Variants in ADAMTSL1 observed in about 807,000 individuals in gnomAD.
The protein encoded by ADAMTSL1 is ADAMTS like 1, also known as ADAMTS-like protein 1.
A neutral mutation model predicts 201.8 loss-of-function variants in ADAMTSL1; 126 were observed. That is an observed-to-expected ratio of 0.62 (90% CI 0.54 to 0.72). The LOEUF (loss-of-function observed/expected upper bound fraction) is 0.72, where lower values mean the gene tolerates loss of function less well. Ranked by LOEUF, ADAMTSL1 falls within the 30% of genes least tolerant of loss-of-function variation. ADAMTSL1 has a pLI of 0.00. For missense variants in ADAMTSL1, 2,679 were observed against 2,277.8 expected (o/e 1.18, Z -3.59); for synonymous variants, 1,121 against 903.4 (o/e 1.24, Z -4.32).
At chr9:18,042,562 C>A (rs1821473671) in intron 1 of ADAMTSL1, among the ~76,000 whole-genome samples, 1 of 152,136 alleles carries the variant, frequency 6.6e-6, no homozygotes, top group Non-Finnish European at 1.5e-5. Flanking sequence ...ACAAAGCTCA[C>A]TTCTTCATTG....
intron 2 of ADAMTSL1, among the ~76,000 whole-genome samples, chr9:18,447,489 A>G (rs1259475513): frequency 1.3e-5 from 2 of 152,182 alleles, no homozygotes; most frequent in Non-Finnish European, 2.9e-5. Flanking sequence ...GGGAGACTTC[A>G]CAAATACCTC....
chr9:18,754,850 G>A (rs1819658208), intron 16 of ADAMTSL1, among the ~76,000 whole-genome samples: 1 of 152,210 alleles, frequency 6.6e-6, no homozygotes. Flanking sequence ...TACTATGGAT[G>A]GTTTGTGGAA....
At chr9:18,817,344 G>C (rs1823928095) in intron 21 of ADAMTSL1, 107 bp downstream of exon 21, 3 of 1,163,850 alleles carry the variant, frequency 2.6e-6, no homozygotes, top group Admixed American at 2.9e-5. Flanking sequence ...TATAGTGCTA[G>C]TAGGAAAGCC....
intron 28 of ADAMTSL1, 176 bp from the exon 29 acceptor site, chr9:18,908,266 G>T (rs1830423079): frequency 1.6e-6 from 1 of 632,392 alleles, no homozygotes; most frequent in Non-Finnish European, 2.9e-6. Flanking sequence ...GGCAGCCTTG[G>T]GGAGCAAGTG....
intron 1 of ADAMTSL1, among the ~76,000 whole-genome samples, chr9:18,139,833 C>T (rs188482433): frequency 2.8e-4 from 43 of 152,192 alleles, no homozygotes; most frequent in Non-Finnish European, 2.2e-4. Flanking sequence ...TGTGGTTCAT[C>T]CCCTAAATTA....
intron 1 of ADAMTSL1, among the ~76,000 whole-genome samples, chr9:18,003,857 G>A (rs770715587): frequency 2.0e-5 from 3 of 151,936 alleles, no homozygotes; most frequent in Non-Finnish European, 4.4e-5. Flanking sequence ...TTAGAAATGA[G>A]GTTCTTTGGG....
At chr9:18,339,510 T>A (rs754233110) in intron 2 of ADAMTSL1, among the ~76,000 whole-genome samples, 1 of 152,182 alleles carries the variant, frequency 6.6e-6, no homozygotes, top group Admixed American at 6.5e-5. Context: ...TTGGTGGGAA[T>A]GTAAATTAGT....
intron 1 of ADAMTSL1, among the ~76,000 whole-genome samples, chr9:17,932,354 G>A (rs1826831176): frequency 6.6e-6 from 1 of 152,186 alleles, no homozygotes; most frequent in African/African-American, 2.4e-5. Context: ...AAAGCTGAAT[G>A]TAGGGTGTTT....
At chr9:17,920,163 T>C (rs1400196786) in intron 1 of ADAMTSL1, among the ~76,000 whole-genome samples, 9 of 152,198 alleles carry the variant, frequency 5.9e-5, no homozygotes. Flanking sequence ...TATGTAACTG[T>C]TACTCTTTTC....
intron 2 of ADAMTSL1, among the ~76,000 whole-genome samples, chr9:18,393,002 A>G (rs772639600): frequency 1.3e-5 from 2 of 152,202 alleles, no homozygotes; most frequent in African/African-American, 4.8e-5. Flanking sequence ...TACCTGTCAT[A>G]TTCCAGGAAT....
At chr9:18,149,268 T>G (rs1345408916) in intron 1 of ADAMTSL1, among the ~76,000 whole-genome samples, 2 of 151,864 alleles carry the variant, frequency 1.3e-5, no homozygotes, top group Non-Finnish European at 2.9e-5. Context: ...GCAAGTCAGA[T>G]GGAACTGAAA....
intron 23 of ADAMTSL1, among the ~76,000 whole-genome samples, chr9:18,878,753 C>T (rs751788589): frequency 6.6e-6 from 1 of 152,176 alleles, no homozygotes; most frequent in Non-Finnish European, 1.5e-5. Flanking sequence ...CAATGTGAGT[C>T]TTCACATGCT....
chr9:17,913,004 G>A (rs2131271115), intron 1 of ADAMTSL1, among the ~76,000 whole-genome samples: 1 of 152,172 alleles, frequency 6.6e-6, no homozygotes, highest in South Asian at 2.1e-4. Flanking sequence ...GTAGATATGT[G>A]GCGTTATTTC....
chr9:18,749,960 G>A lies in ADAMTSL1; in HGVS notation c.2007-3338G>A, dbSNP rs1481035610. 2.6e-5 allele frequency among the ~76,000 whole-genome samples: 4 copies of A among 152,168 alleles called. No homozygotes were observed. The South Asian group carries it at 6.2e-4, about 24-fold the overall frequency. ...AGGGGCTAAATTTCTGCCAGAAATG[G>A]TGGCAGAGTTTGGGGAAGTGAGGAT... On this transcript the variant is annotated intron_variant, in intron 15 of 28. Coordinates refer to ENST00000380548, the MANE Select transcript of ADAMTSL1 (RefSeq NM_001040272.6).
At chr9:18,410,101 T>C (rs1369562983) in intron 2 of ADAMTSL1, among the ~76,000 whole-genome samples, 1 of 152,000 alleles carries the variant, frequency 6.6e-6, no homozygotes, top group African/African-American at 2.4e-5. Flanking sequence ...TTTAATCCTA[T>C]CCTTAGTTTA....
intron 2 of ADAMTSL1, among the ~76,000 whole-genome samples, chr9:18,453,164 A>G (rs1405193874): frequency 6.6e-6 from 1 of 152,204 alleles, no homozygotes; most frequent in Non-Finnish European, 1.5e-5. Flanking sequence ...TATACCTTCC[A>G]GAGCAGTAGG....
intron 2 of ADAMTSL1, among the ~76,000 whole-genome samples, chr9:18,268,888 T>A (rs1832243496): frequency 6.6e-6 from 1 of 152,148 alleles, no homozygotes; most frequent in African/African-American, 2.4e-5. Flanking sequence ...AAATTGTGCA[T>A]CAAATTCCTT....
intron 2 of ADAMTSL1, among the ~76,000 whole-genome samples, chr9:18,338,741 C>G (rs1225339052): frequency 6.6e-6 from 1 of 152,102 alleles, no homozygotes; most frequent in African/African-American, 2.4e-5. Context: ...AACATAGTAC[C>G]TGATAGGTAG....
At chr9:18,452,273 A>G (rs1406816411) in intron 2 of ADAMTSL1, among the ~76,000 whole-genome samples, 1 of 152,124 alleles carries the variant, frequency 6.6e-6, no homozygotes, top group Admixed American at 6.6e-5. Context: ...TATAATAATA[A>G]TGTAATCCAT....
Sources: gnomAD v4.1 joint callset for allele counts (sites outside exome capture counted in the v4.1 genomes callset) on GRCh38, gnomAD v4.1.1 for gene constraint, MANE v1.5 for transcripts, NCBI Gene and HGNC (gene_info 2026-07-23, HGNC 2026-07-21) for gene names.